Variants in INPP4B observed in about 807,000 individuals in gnomAD.
INPP4B encodes inositol polyphosphate-4-phosphatase type II B.
A neutral mutation model predicts 122.5 loss-of-function variants in INPP4B; 55 were observed. The ratio of observed to expected loss-of-function variants is 0.45; its 90% CI spans 0.36 to 0.56. The LOEUF (loss-of-function observed/expected upper bound fraction) is 0.56, where lower values mean the gene tolerates loss of function less well. Among genes scored for constraint, INPP4B ranks in the 20% least tolerant of loss-of-function variants. The pLI is 0.00. For synonymous variants in INPP4B, 403 were observed against 388.7 expected, an observed-to-expected ratio of 1.04 and a Z score of -0.43; for missense variants, 1,000 against 1,097.7, an observed-to-expected ratio of 0.91 and a Z score of 1.26.
chr4:142,645,257 A>T (rs1560911688), intron 2 of INPP4B, among the ~76,000 whole-genome samples: 1 of 152,208 alleles, frequency 6.6e-6, no homozygotes, highest in Non-Finnish European at 1.5e-5. Context: ...ATCAACTGAA[A>T]AGCAGTCATA....
intron 14 of INPP4B, among the ~76,000 whole-genome samples, chr4:142,206,631 G>A (rs1024445065): frequency 2.0e-5 from 3 of 151,764 alleles, no homozygotes; most frequent in Non-Finnish European, 2.9e-5. Context: ...CATTATTGAG[G>A]TATGATTGAC....
intron 12 of INPP4B, among the ~76,000 whole-genome samples, chr4:142,219,680 C>T (rs1015157805): frequency 3.3e-5 from 5 of 152,086 alleles, no homozygotes; most frequent in Admixed American, 6.5e-5. Context: ...TAATTTGTGC[C>T]CACAATTTCA....
intron 12 of INPP4B, among the ~76,000 whole-genome samples, chr4:142,234,837 C>T (rs920271352): frequency 2.0e-4 from 31 of 152,234 alleles, no homozygotes; most frequent in African/African-American, 6.7e-4. Flanking sequence ...CAAAAGTGCC[C>T]ACCAGCCCCT....
chr4:142,145,037 C>T (rs1013729401), intron 18 of INPP4B, among the ~76,000 whole-genome samples: 8 of 152,008 alleles, frequency 5.3e-5, no homozygotes, highest in African/African-American at 1.4e-4. Flanking sequence ...AACAGCAGTT[C>T]CTACTGCCGT....
intron 14 of INPP4B, among the ~76,000 whole-genome samples, chr4:142,200,618 A>G (rs1027001138): frequency 1.4e-4 from 21 of 151,960 alleles, no homozygotes; most frequent in Admixed American, 1.2e-3. Flanking sequence ...TCACTTAAAC[A>G]ACACAATAAA....
chr4:142,829,385 G>C (rs906165265), intron 1 of INPP4B, among the ~76,000 whole-genome samples: 1 of 152,226 alleles, frequency 6.6e-6, no homozygotes, highest in East Asian at 1.9e-4. Flanking sequence ...TTATGCCCTT[G>C]GCTTTTGCCC....
rs564152283 is a variant in INPP4B at position 142,100,892 on chromosome 4, T to C, written c.2374+7201A>G. 2.6e-4 allele frequency among the ~76,000 whole-genome samples: 39 copies of C among 152,232 alleles called. 1 individual carries two copies. Among genetic ancestry groups the C allele is most frequent in the Admixed American group, 1.8e-3 (28 of 15,274 alleles). On this transcript the variant is annotated intron_variant, in intron 23 of 25. Coordinates refer to ENST00000262992, the MANE Select transcript of INPP4B (RefSeq NM_001101669.3). The stretch of plus-strand genomic sequence containing the variant: ...AGGCTCTCTTAACATTCAGAAAGGA[T>C]CTCTTTATATAAATGTGAACTGTTC...
intron 2 of INPP4B, among the ~76,000 whole-genome samples, chr4:142,528,089 A>T (rs1022102487): frequency 1.3e-5 from 2 of 152,104 alleles, no homozygotes; most frequent in Non-Finnish European, 2.9e-5. Flanking sequence ...CCTTAAACAC[A>T]CATTTTACTA....
At chr4:142,400,131 A>G (rs963099243) in intron 7 of INPP4B, among the ~76,000 whole-genome samples, 1 of 152,220 alleles carries the variant, frequency 6.6e-6, no homozygotes, top group Non-Finnish European at 1.5e-5. Flanking sequence ...AAAAACATCT[A>G]GTACAAATAT....
intron 2 of INPP4B, among the ~76,000 whole-genome samples, chr4:142,650,087 C>T (rs1471488814): frequency 6.6e-6 from 1 of 152,182 alleles, no homozygotes; most frequent in Non-Finnish European, 1.5e-5. Flanking sequence ...AAATAATTTT[C>T]AACCCAGAAT....
At chr4:142,388,341 C>T (rs897136980) in intron 7 of INPP4B, among the ~76,000 whole-genome samples, 12 of 151,878 alleles carry the variant, frequency 7.9e-5, no homozygotes, top group Admixed American at 2.0e-4. Context: ...ATTTAAAAGG[C>T]CTATGTTCTT....
chr4:142,516,670 G>C (rs974611568), intron 2 of INPP4B, among the ~76,000 whole-genome samples: 2 of 151,988 alleles, frequency 1.3e-5, no homozygotes, highest in African/African-American at 4.8e-5. Flanking sequence ...TTGTCCCTTT[G>C]GATCCACACA....
intron 24 of INPP4B, among the ~76,000 whole-genome samples, chr4:142,083,592 AAAG>A (rs1234400784): frequency 6.6e-6 from 1 of 152,210 alleles, no homozygotes; most frequent in Admixed American, 6.5e-5. Flanking sequence ...TCCGCTTTTA[AAAG>A]AAGGTAAAAT....
In INPP4B at chr4:142,102,599, A is replaced by G. The variant is rs184691421; in HGVS notation, c.2374+5494T>C. 6.6e-5 allele frequency among the ~76,000 whole-genome samples: 10 copies of G among 151,224 alleles called. No individual in the cohort carries two copies. The Admixed American group carries it at 6.7e-4, about 10-fold the overall frequency. ...TTTAGGATTCTTTCAAAACCTTTGT[A>G]TCAGTCTTCAAGAGTTTTCTGTGAC... On this transcript the variant is annotated intron_variant, in intron 23 of 25. Coordinates refer to ENST00000262992, the MANE Select transcript of INPP4B (RefSeq NM_001101669.3).
chr4:142,033,513 A>G (rs1741746825), intron 25 of INPP4B, among the ~76,000 whole-genome samples: 1 of 152,136 alleles, frequency 6.6e-6, no homozygotes, highest in Non-Finnish European at 1.5e-5. Context: ...TTCACTGATC[A>G]TTAGTGCTGA....
intron 3 of INPP4B, 46 bp downstream of exon 3, chr4:142,462,617 A>G (rs997008969): frequency 6.6e-6 from 1 of 152,192 alleles, no homozygotes; most frequent in African/African-American, 2.4e-5. Flanking sequence ...ATCAGTTTAA[A>G]TGAATACAAT....
intron 9 of INPP4B, among the ~76,000 whole-genome samples, chr4:142,278,927 C>T (rs1355284874): frequency 6.6e-6 from 1 of 151,844 alleles, no homozygotes; most frequent in African/African-American, 2.4e-5. Context: ...AGGAACAGGT[C>T]TGAATAACAC....
chr4:142,564,677 G>T (rs1449661845), intron 2 of INPP4B, among the ~76,000 whole-genome samples: 1 of 152,002 alleles, frequency 6.6e-6, no homozygotes, highest in African/African-American at 2.4e-5. Context: ...ATGGAGCCCA[G>T]ACTTTGGGCT....
chr4:142,248,405 T>C (rs1028850966), intron 11 of INPP4B, among the ~76,000 whole-genome samples: 4 of 147,964 alleles, frequency 2.7e-5, no homozygotes, highest in Non-Finnish European at 5.9e-5. Flanking sequence ...TGGCATGATC[T>C]TGGCTCACTG....
Sources: allele counts gnomAD v4.1 joint callset (sites outside exome capture counted in the v4.1 genomes callset), GRCh38; gene constraint gnomAD v4.1.1; transcripts MANE v1.5; gene names NCBI Gene and HGNC (gene_info 2026-07-23, HGNC 2026-07-21).